ADGRD1: variants seen among roughly 807,000 people sequenced by gnomAD.
ADGRD1 encodes G-protein coupled receptor 133.
Under a neutral mutation model 113.4 loss-of-function variants are expected in ADGRD1, and 77 were observed. The observed-to-expected ratio is 0.68, with a 90% CI of 0.57 to 0.82. ADGRD1 has a LOEUF of 0.82. ADGRD1 is among the 40% of genes least tolerant of loss of function. The pLI, the probability that ADGRD1 is intolerant of heterozygous loss-of-function variation, is 0.00. For synonymous variants in ADGRD1, 474 were observed against 475.0 expected (o/e 1.00, Z 0.03); for missense variants, 1,036 against 1,139.1 (o/e 0.91, Z 1.30).
chr12:131,082,864 A>C (rs1566092778), intron 14 of ADGRD1, among the ~76,000 whole-genome samples: 1 of 152,206 alleles, frequency 6.6e-6, no homozygotes, highest in Non-Finnish European at 1.5e-5. Flanking sequence ...AGAAGAGCAG[A>C]TCATTAATCA....
intron 15 of ADGRD1, among the ~76,000 whole-genome samples, chr12:131,102,785 T>C (rs1409585050): frequency 1.3e-5 from 2 of 152,134 alleles, no homozygotes; most frequent in Non-Finnish European, 2.9e-5. Flanking sequence ...TTCTCAAATA[T>C]GGGAGGCCAG....
intron 13 of ADGRD1, among the ~76,000 whole-genome samples, chr12:131,055,389 A>G (rs1466671832): frequency 1.3e-5 from 2 of 152,180 alleles, no homozygotes; most frequent in Non-Finnish European, 2.9e-5. Flanking sequence ...AAGCACACTG[A>G]CTTCAGCGTT....
chr12:130,971,372 A>T lies in ADGRD1; in HGVS notation c.188-86A>T. Reference sequence around the variant, plus strand: ...TAAATAATAATGCATACTTACACATAAGTTATTTGTAGGTCTGACACACAT... The same window carrying T: ...TAAATAATAATGCATACTTACACATTAGTTATTTGTAGGTCTGACACACAT... On this transcript the variant is annotated intron_variant, in intron 3 of 24. Transcript: ENST00000261654. The surrounding 1 kb of genome is among the most constrained non-coding windows in gnomAD (Gnocchi z 4.2). The T allele has an allele frequency of 1.0e-6, 1 of 963,926 alleles. No homozygotes were observed. 59.7% of individuals were successfully genotyped at this position (963,926 alleles called of 1,614,324 possible).
At chr12:131,031,956 A>C (rs1209359737) in intron 13 of ADGRD1, among the ~76,000 whole-genome samples, 1 of 152,208 alleles carries the variant, frequency 6.6e-6, no homozygotes, top group Non-Finnish European at 1.5e-5. Context: ...CTGCCCCGGA[A>C]GGGAGGCCTT....
intron 18 of ADGRD1, among the ~76,000 whole-genome samples, chr12:131,112,005 A>G (rs1386062164): frequency 3.3e-5 from 5 of 151,750 alleles, no homozygotes; most frequent in East Asian, 3.9e-4. Flanking sequence ...GTTTCTTTGT[A>G]TATCTCATAG....
intron 20 of ADGRD1, among the ~76,000 whole-genome samples, chr12:131,130,559 G>A (rs1950890106): frequency 1.3e-5 from 2 of 152,228 alleles, no homozygotes; most frequent in African/African-American, 4.8e-5. Flanking sequence ...GGAGCTGCGC[G>A]AGGAGGAAGG....
intron 13 of ADGRD1, among the ~76,000 whole-genome samples, chr12:131,053,273 C>G (rs1022917949): frequency 6.6e-6 from 1 of 152,374 alleles, no homozygotes; most frequent in East Asian, 1.9e-4. Flanking sequence ...ACTTCCCTGC[C>G]CCGTTCCTGT....
At position 131,131,778 on chromosome 12, in the gene ADGRD1, C is replaced by T. The variant is rs752708679; in HGVS notation, c.2229C>T (p.Ala743=). 1.8e-5 allele frequency: 29 copies of T among 1,613,152 alleles called. No individual in the cohort carries two copies. The East Asian group carries it at 4.2e-4, about 24-fold the overall frequency. ...AVTRVISQIS[A]DNYKIHGDPS... is the part of the protein sequence containing the mutation. ...CCAGAGTCATCTCACAGATCAGCGC[C>T]GACAACTACAAGATCCATGGAGACC... Residue 743 remains alanine, a synonymous_variant, in exon 21 of 25, where the codon GCC becomes GCT. Transcript: ENST00000261654.
rs554222015 is a variant in ADGRD1, at chr12:131,041,361, G to A, written c.1473+27021G>A. On this transcript the variant is annotated intron_variant, in intron 13 of 24. Coordinates refer to ENST00000261654, the MANE Select transcript of ADGRD1 (RefSeq NM_198827.5). This position sits in a 1 kb window ranked among gnomAD's most constrained non-coding sequence, Gnocchi z 4.4. ...TTGTCTGGGGAGAAGAAGAGCAGGT[G>A]TGGACAGGGCAGAGGTCCGCCCTTT... Among the ~76,000 whole-genome samples, 2 of 152,316 alleles carry A rather than the reference G, an allele frequency of 1.3e-5. No individual in the cohort carries two copies. Among genetic ancestry groups the A allele is most frequent in the East Asian group, 1.9e-4 (1 of 5,182 alleles).
rs1031186884 is a variant in ADGRD1, at chr12:131,050,210, T to C, written c.1474-26591T>C. ...TTCCTGTCTCAAGTTGAAATCACCA[T>C]CGTCATCGTCATCATCATCATCATC... On this transcript the variant is annotated intron_variant, in intron 13 of 24. Transcript: ENST00000261654. This position sits in a 1 kb window ranked among gnomAD's most constrained non-coding sequence, Gnocchi z 4.8. Among the ~76,000 whole-genome samples the C allele has an allele frequency of 2.8e-5, 3 of 105,930 alleles. No individual in the cohort carries two copies. Among genetic ancestry groups the C allele is most frequent in the Admixed American group, 2.2e-4 (2 of 9,214 alleles). 69.5% of individuals were successfully genotyped at this position (105,930 alleles called of 152,430 possible).
intron 15 of ADGRD1, chr12:131,091,886 T>G (rs982647250): frequency 2.0e-5 from 3 of 152,178 alleles, no homozygotes; most frequent in African/African-American, 4.8e-5. Flanking sequence ...AGGGGTGGTG[T>G]TTCATGTTCA....
In ADGRD1 at chr12:130,964,791, A is replaced by G. The variant is rs1045927132; in HGVS notation, c.104-1672A>G. On this transcript the variant is annotated intron_variant, in intron 2 of 24. Transcript: ENST00000261654. ...GGATTTTTCTCCCGCTGAACTGTCT[A>G]TCCGCGTGTAACAATCAGCCATCTT... Among the ~76,000 whole-genome samples, 3 of 152,248 alleles carry G rather than the reference A, an allele frequency of 2.0e-5. 1 individual carries two copies. The highest frequency in any genetic ancestry group is 4.1e-4 in the South Asian group (2 of 4,832).
At chr12:131,098,912 G>A (rs530526516) in intron 15 of ADGRD1, among the ~76,000 whole-genome samples, 3 of 152,188 alleles carry the variant, frequency 2.0e-5, no homozygotes, top group African/African-American at 4.8e-5. Flanking sequence ...CCTGCCTCTC[G>A]CCAGCTGCAT....
chr12:131,031,324 C>G (rs896114414), intron 13 of ADGRD1, among the ~76,000 whole-genome samples: 1 of 152,234 alleles, frequency 6.6e-6, no homozygotes, highest in Non-Finnish European at 1.5e-5. Context: ...GCCTTCATCC[C>G]TTTAGGCCTG....
At chr12:131,065,923 C>T (rs924369944) in intron 13 of ADGRD1, among the ~76,000 whole-genome samples, 11 of 152,140 alleles carry the variant, frequency 7.2e-5, no homozygotes, top group Non-Finnish European at 1.5e-4. Flanking sequence ...CTGGCTCAGC[C>T]CTGGTCTTTG....
At position 131,004,067 on chromosome 12, in the gene ADGRD1, T is replaced by C. The variant is rs549820974; in HGVS notation, c.1145-119T>C. ...AGGCCATGCTTTCTAAAGGTAATTATACTTCCCGTGGGGAGCTTGTCCTGT... is the reference window on the plus strand; with the variant it reads ...AGGCCATGCTTTCTAAAGGTAATTACACTTCCCGTGGGGAGCTTGTCCTGT... On this transcript the variant is annotated intron_variant, in intron 10 of 24. Coordinates refer to ENST00000261654, the MANE Select transcript of ADGRD1 (RefSeq NM_198827.5). The C allele has an allele frequency of 9.6e-6, 6 of 623,098 alleles. No individual in the cohort carries two copies. In the African/African-American group the frequency reaches 1.1e-4, roughly 12 times the overall value. The allele number at this position is 623,098 out of a possible 1,614,324, so 38.6% of individuals were successfully genotyped here.
At chr12:131,016,418 T>A (rs1878579379) in intron 13 of ADGRD1, among the ~76,000 whole-genome samples, 1 of 152,234 alleles carries the variant, frequency 6.6e-6, no homozygotes, top group African/African-American at 2.4e-5. Flanking sequence ...GTGTCTTCTC[T>A]TTGTGTGGAG....
chr12:131,044,082 G>A (rs1347942367), intron 13 of ADGRD1, among the ~76,000 whole-genome samples: 1 of 152,172 alleles, frequency 6.6e-6, no homozygotes, highest in East Asian at 1.9e-4. Flanking sequence ...AAGAAATAGA[G>A]GTTCTAATTG....
chr12:131,074,231 G>A (rs931041800), intron 13 of ADGRD1, among the ~76,000 whole-genome samples: 3 of 152,028 alleles, frequency 2.0e-5, no homozygotes, highest in African/African-American at 7.2e-5. Context: ...AGATCCTGTG[G>A]GAGATATTCC....
Sources: gnomAD v4.1 joint callset for allele counts (sites outside exome capture counted in the v4.1 genomes callset) on GRCh38, gnomAD v4.1.1 for gene constraint, Gnocchi (gnomAD v3.1) non-coding constraint, MANE v1.5 for transcripts, NCBI Gene and HGNC (gene_info 2026-07-23, HGNC 2026-07-21) for gene names.